The following CFAP20DC variants were observed in gnomAD, a reference collection of about 807,000 sequenced individuals.
CFAP20DC encodes the protein CFAP20 domain containing.
Under a neutral mutation model 101.7 loss-of-function variants are expected in CFAP20DC, and 84 were observed. The observed-to-expected ratio is 0.83, with a 90% CI of 0.69 to 0.99. The LOEUF is 0.99. CFAP20DC is among the 50% of genes least tolerant of loss of function. The pLI is 0.00. For missense variants in CFAP20DC, 1,007 were observed against 970.3 expected, an observed-to-expected ratio of 1.04 and a Z score of -0.50; for synonymous variants, 359 against 351.2, an observed-to-expected ratio of 1.02 and a Z score of -0.25.
At chr3:58,845,260 C>A (rs1404018741) in intron 13 of CFAP20DC, among the ~76,000 whole-genome samples, 1 of 150,978 alleles carries the variant, frequency 6.6e-6, no homozygotes, top group Non-Finnish European at 1.5e-5. Flanking sequence ...ATTGATAGAC[C>A]TCTAGCAAGA....
At chr3:58,932,681 T>C (rs1209533075) in intron 5 of CFAP20DC, among the ~76,000 whole-genome samples, 1 of 152,078 alleles carries the variant, frequency 6.6e-6, no homozygotes, top group East Asian at 1.9e-4. Context: ...CTAAGCTTCA[T>C]AAGTGAAGGA....
chr3:59,036,404 T>C (rs1252084014), intron 4 of CFAP20DC, among the ~76,000 whole-genome samples: 1 of 152,180 alleles, frequency 6.6e-6, no homozygotes, highest in Non-Finnish European at 1.5e-5. Flanking sequence ...AACCCCATCG[T>C]CTCAGCCCAA....
At chr3:58,838,836 C>T (rs78709016) in intron 13 of CFAP20DC, among the ~76,000 whole-genome samples, 2,374 of 152,226 alleles carry the variant, frequency 0.016, 34 homozygotes, top group Non-Finnish European at 0.024. Context: ...ATTAACTATA[C>T]ACTAGAAGGA....
chr3:58,887,333 T>A (rs1408779059), intron 6 of CFAP20DC: 1 of 152,198 alleles, frequency 6.6e-6, no homozygotes, highest in Non-Finnish European at 1.5e-5. Context: ...AAGAAGATAA[T>A]TTCCATGTCA....
intron 6 of CFAP20DC, among the ~76,000 whole-genome samples, chr3:58,907,759 G>C (rs554253014): frequency 6.6e-6 from 1 of 152,230 alleles, no homozygotes; most frequent in Admixed American, 6.5e-5. Context: ...CCTAATCAAG[G>C]CATAAGTATT....
chr3:58,926,374 A>AAAG (rs551586438), intron 5 of CFAP20DC, among the ~76,000 whole-genome samples: 2 of 152,092 alleles, frequency 1.3e-5, no homozygotes, highest in African/African-American at 2.4e-5. Context: ...CATTAAAAAA[A>AAAG]AAGAAGAAGA....
intron 13 of CFAP20DC, among the ~76,000 whole-genome samples, chr3:58,835,131 C>T (rs1262936447): frequency 6.6e-6 from 1 of 152,080 alleles, no homozygotes; most frequent in Non-Finnish European, 1.5e-5. Flanking sequence ...TCTGTAAATG[C>T]TAGGAACTGG....
intron 15 of CFAP20DC, among the ~76,000 whole-genome samples, chr3:58,794,497 A>T (rs1415837585): frequency 6.6e-6 from 1 of 152,208 alleles, no homozygotes; most frequent in African/African-American, 2.4e-5. Context: ...TTTATATGGT[A>T]ATGAACAGCA....
intron 4 of CFAP20DC, chr3:58,970,860 G>A (rs1051007160): frequency 3.3e-5 from 5 of 152,114 alleles, no homozygotes; most frequent in Admixed American, 6.6e-5. Context: ...AATTTATTGC[G>A]TTGTTCTCTT....
At chr3:59,005,735 A>T (rs1256348639) in intron 4 of CFAP20DC, among the ~76,000 whole-genome samples, 1 of 152,192 alleles carries the variant, frequency 6.6e-6, no homozygotes, top group Non-Finnish European at 1.5e-5. Context: ...AATGTAATTA[A>T]ATGTCTTCAT....
intron 15 of CFAP20DC, among the ~76,000 whole-genome samples, chr3:58,785,819 C>T (rs1319951037): frequency 2.6e-5 from 4 of 152,100 alleles, no homozygotes; most frequent in African/African-American, 9.7e-5. Flanking sequence ...TCTACTTTCC[C>T]TCTTATCTGC....
chr3:58,904,948 A>T (rs116236662), intron 6 of CFAP20DC, among the ~76,000 whole-genome samples: 1,915 of 152,332 alleles, frequency 0.013, 47 homozygotes, highest in African/African-American at 0.044. Context: ...ATAAATAGCC[A>T]ATCTTTAATT....
chr3:58,845,616 C>T (rs553216592), intron 13 of CFAP20DC, among the ~76,000 whole-genome samples: 1 of 152,278 alleles, frequency 6.6e-6, no homozygotes, highest in South Asian at 2.1e-4. Context: ...CCTTCTGAAA[C>T]TATTCCAATC....
At chr3:58,993,836 T>C (rs923656107) in intron 4 of CFAP20DC, among the ~76,000 whole-genome samples, 3 of 152,250 alleles carry the variant, frequency 2.0e-5, no homozygotes, top group African/African-American at 7.2e-5. Context: ...CTATCAATGA[T>C]GGGCATTTGG....
chr3:58,912,194 A>C lies in CFAP20DC; in HGVS notation c.550+1514T>G, dbSNP rs1411096084. On this transcript the variant is annotated intron_variant, in intron 6 of 16. Coordinates refer to ENST00000482387, the MANE Select transcript of CFAP20DC (RefSeq NM_001394063.1). The surrounding 1 kb of genome is among the most constrained non-coding windows in gnomAD (Gnocchi z 4.4). ...GATTGAAACATGCATTTACTTTGCT[A>C]TGTTTGATCCACTTTTTTCTTTACA... is the stretch of plus-strand genomic sequence containing the variant. 6.6e-6 allele frequency among the ~76,000 whole-genome samples: 1 copy of C among 152,050 alleles called. No individual in the cohort carries two copies. Among genetic ancestry groups the C allele is most frequent in the Admixed American group, 6.6e-5 (1 of 15,228 alleles).
chr3:58,924,079 A>G (rs1023463749), intron 5 of CFAP20DC, among the ~76,000 whole-genome samples: 5 of 152,148 alleles, frequency 3.3e-5, no homozygotes, highest in Non-Finnish European at 7.4e-5. Flanking sequence ...CTAGAATGCA[A>G]AAAATTTTTT....
chr3:58,870,926 A>AAAAAAGG (rs1308000778), intron 7 of CFAP20DC, among the ~76,000 whole-genome samples: 12 of 142,626 alleles, frequency 8.4e-5, no homozygotes, highest in African/African-American at 3.1e-4. Context: ...AAAAAAAAAG[A>AAAAAAGG]AAAAAGGAAA....
chr3:59,037,009 C>G (rs1453041773), intron 4 of CFAP20DC, among the ~76,000 whole-genome samples: 2 of 152,000 alleles, frequency 1.3e-5, no homozygotes, highest in Non-Finnish European at 1.5e-5. Context: ...TTTGACAAAC[C>G]TGACAAAAAC....
intron 4 of CFAP20DC, among the ~76,000 whole-genome samples, chr3:59,030,805 GT>G (rs564324095): frequency 2.0e-5 from 3 of 151,466 alleles, no homozygotes; most frequent in African/African-American, 7.3e-5. Flanking sequence ...AAAGCTTTAA[GT>G]TTTTTTTTGT....
Sources: allele counts gnomAD v4.1 joint callset (sites outside exome capture counted in the v4.1 genomes callset), GRCh38; gene constraint gnomAD v4.1.1; non-coding constraint Gnocchi (gnomAD v3.1); transcripts MANE v1.5; gene names NCBI Gene and HGNC (gene_info 2026-07-23, HGNC 2026-07-21).